ZNF728: variants seen among roughly 807,000 people sequenced by gnomAD.
ZNF728 encodes zinc finger protein 728.
A neutral mutation model predicts 12.5 loss-of-function variants in ZNF728; 12 were observed. The ratio of observed to expected loss-of-function variants is 0.96; its 90% CI spans 0.61 to 1.55. The LOEUF is 1.55. Ranked by LOEUF, ZNF728 falls within the 40% of genes most tolerant of loss-of-function variation. The probability of loss-of-function intolerance (pLI) is 0.00; values close to 1 mark genes in which losing one functional copy is unlikely to be tolerated. For synonymous variants in ZNF728, 205 were observed against 240.7 expected (o/e 0.85, Z 1.37); for missense variants, 692 against 719.2 (o/e 0.96, Z 0.43).
intron 1 of ZNF728, among the ~76,000 whole-genome samples, chr19:22,989,949 A>C (rs1466769515): frequency 1.3e-5 from 2 of 152,096 alleles, no homozygotes. Context: ...CCCAATAGGA[A>C]TTTTGAGTAT....
intron 3 of ZNF728, among the ~76,000 whole-genome samples, chr19:22,982,278 G>GAATAA (rs1342320370): frequency 6.6e-6 from 1 of 152,100 alleles, no homozygotes; most frequent in Non-Finnish European, 1.5e-5. Flanking sequence ...GCTACAAAGA[G>GAATAA]AATAAAATAC....
At chr19:22,984,577 TACACACACACACAC>T (rs57794293) in intron 3 of ZNF728, among the ~76,000 whole-genome samples, 46 of 109,250 alleles carry the variant, frequency 4.2e-4, no homozygotes, top group Middle Eastern at 5.4e-3. Context: ...AAAAAAAAAA[TACACACACACACAC>T]ACACACACAC....
At chr19:22,999,248 C>T (rs1287738672) in intron 1 of ZNF728, among the ~76,000 whole-genome samples, 2 of 152,098 alleles carry the variant, frequency 1.3e-5, no homozygotes, top group African/African-American at 4.8e-5. Flanking sequence ...TGTTGCAATA[C>T]TCCTTTGGAA....
chr19:22,995,093 GAAA>G (rs1335986410), intron 1 of ZNF728: 3 of 152,328 alleles, frequency 2.0e-5, no homozygotes, highest in African/African-American at 7.2e-5. Flanking sequence ...ATGGTGGCAT[GAAA>G]AAAATACTGC....
At chr19:22,986,811 G>T (rs1023813028) in intron 3 of ZNF728, among the ~76,000 whole-genome samples, 1 of 151,674 alleles carries the variant, frequency 6.6e-6, no homozygotes, top group African/African-American at 2.4e-5. Flanking sequence ...AAAAAAGCAG[G>T]ACAACATACT....
intron 1 of ZNF728, among the ~76,000 whole-genome samples, chr19:22,998,497 G>C (rs1287569716): frequency 6.6e-6 from 1 of 152,162 alleles, no homozygotes; most frequent in Non-Finnish European, 1.5e-5. Flanking sequence ...TCAGGGCTCA[G>C]TCCCACAACA....
intron 1 of ZNF728, among the ~76,000 whole-genome samples, chr19:22,999,584 T>C (rs1470038460): frequency 1.3e-5 from 2 of 152,202 alleles, no homozygotes; most frequent in African/African-American, 2.4e-5. Flanking sequence ...TTAATTACCA[T>C]GTCAGAGTCA....
intron 3 of ZNF728, among the ~76,000 whole-genome samples, chr19:22,978,963 T>TCA (rs1968834002): frequency 6.6e-6 from 1 of 152,126 alleles, no homozygotes; most frequent in Admixed American, 6.5e-5. Context: ...CTACAAAGGA[T>TCA]CACAACTCCT....
chr19:23,002,240 G>A (rs1156368421), intron 1 of ZNF728, among the ~76,000 whole-genome samples: 1 of 152,202 alleles, frequency 6.6e-6, no homozygotes, highest in Non-Finnish European at 1.5e-5. Context: ...GCTTGAACCT[G>A]GGAGGCGGAG....
intron 1 of ZNF728, among the ~76,000 whole-genome samples, chr19:23,000,455 A>C (rs1005631946): frequency 2.0e-5 from 3 of 152,120 alleles, no homozygotes; most frequent in African/African-American, 7.2e-5. Flanking sequence ...GGTGAATGAG[A>C]ATTTTCAACA....
chr19:22,978,496 G>A (rs1568274314), intron 3 of ZNF728, among the ~76,000 whole-genome samples: 1 of 152,174 alleles, frequency 6.6e-6, no homozygotes, highest in South Asian at 2.1e-4. Flanking sequence ...AACACCTAGC[G>A]TTTGAGCTCT....
chr19:22,998,413 T>TTAGC (rs1447464298), intron 1 of ZNF728, among the ~76,000 whole-genome samples: 2 of 151,836 alleles, frequency 1.3e-5, no homozygotes, highest in Non-Finnish European at 2.9e-5. Context: ...GACTTTAGTC[T>TTAGC]TAGCTACTTG....
intron 1 of ZNF728, among the ~76,000 whole-genome samples, chr19:22,989,020 C>T (rs1423834356): frequency 7.3e-6 from 1 of 136,442 alleles, no homozygotes; most frequent in Non-Finnish European, 1.5e-5. Context: ...CATTGCCCTC[C>T]AGCCTGGGCA....
At chr19:22,991,615 T>A (rs752232728) in intron 1 of ZNF728, among the ~76,000 whole-genome samples, 7 of 152,188 alleles carry the variant, frequency 4.6e-5, no homozygotes, top group Admixed American at 6.5e-5. Flanking sequence ...CTACAATACA[T>A]ACTTTATATT....
intron 3 of ZNF728, among the ~76,000 whole-genome samples, chr19:22,983,866 G>A (rs1347388941): frequency 6.6e-6 from 1 of 152,100 alleles, no homozygotes; most frequent in East Asian, 1.9e-4. Flanking sequence ...GGAGTGGGAG[G>A]CTAGGGGATG....
intron 3 of ZNF728, among the ~76,000 whole-genome samples, chr19:22,979,246 G>C (rs2145334072): frequency 6.6e-6 from 1 of 152,298 alleles, no homozygotes; most frequent in East Asian, 1.9e-4. Context: ...AATCGATAAA[G>C]TGGAAGAAAG....
At chr19:22,996,404 C>A (rs1359747055) in intron 1 of ZNF728, among the ~76,000 whole-genome samples, 1 of 152,182 alleles carries the variant, frequency 6.6e-6, no homozygotes, top group African/African-American at 2.4e-5. Flanking sequence ...ATACACTGAA[C>A]TCTTCTGGCT....
intron 3 of ZNF728, among the ~76,000 whole-genome samples, chr19:22,985,466 T>C (rs901970523): frequency 2.6e-5 from 4 of 152,160 alleles, no homozygotes; most frequent in African/African-American, 9.7e-5. Flanking sequence ...ATCTCAAAAA[T>C]AAGTGCCTTT....
At chr19:22,981,661 A>G (rs1200561510) in intron 3 of ZNF728, among the ~76,000 whole-genome samples, 1 of 152,196 alleles carries the variant, frequency 6.6e-6, no homozygotes, top group Non-Finnish European at 1.5e-5. Flanking sequence ...CCAGCAGCAC[A>G]TCAAAAAGCT....
Sources: allele counts gnomAD v4.1 joint callset (sites outside exome capture counted in the v4.1 genomes callset), GRCh38; gene constraint gnomAD v4.1.1; transcripts MANE v1.5; gene names NCBI Gene and HGNC (gene_info 2026-07-23, HGNC 2026-07-21).